Variants in C2CD3 observed in about 807,000 individuals in gnomAD.
The protein encoded by C2CD3 is C2 domain-containing protein 3.
C2CD3 carries 148 observed loss-of-function variants against 234.0 expected under a neutral mutation model. That is an observed-to-expected ratio of 0.63 (90% confidence interval 0.55 to 0.72). The LOEUF (loss-of-function observed/expected upper bound fraction) is 0.72, where lower values mean the gene tolerates loss of function less well. Among genes scored for constraint, C2CD3 ranks in the 30% least tolerant of loss-of-function variants. The pLI is 0.00. For synonymous variants in C2CD3, 1,000 were observed against 1,035.4 expected (o/e 0.97, Z 0.66); for missense variants, 2,577 against 2,811.5 (o/e 0.92, Z 1.89).
chr11:74,023,141 G>A (rs1952155226), intron 32 of C2CD3, among the ~76,000 whole-genome samples: 1 of 152,204 alleles, frequency 6.6e-6, no homozygotes, highest in South Asian at 2.1e-4. Context: ...AGGTTCCTTG[G>A]CTCAGGTATA....
chr11:74,170,079 G>C (rs908313975), intron 1 of C2CD3, among the ~76,000 whole-genome samples: 2 of 152,086 alleles, frequency 1.3e-5, no homozygotes, highest in Middle Eastern at 3.2e-3. Flanking sequence ...TACTCGGTGA[G>C]CTTGTGTCTC....
Position 74,084,958 on chromosome 11 carries a change from A to T in C2CD3, c.3923T>A (p.Ile1308Asn). 2.5e-6 allele frequency: 4 copies of T among 1,606,030 alleles called. No individual in the cohort carries two copies. Among genetic ancestry groups the T allele is most frequent in the South Asian group, 2.2e-5 (2 of 90,382 alleles). Residue 1308 changes from isoleucine (I) to asparagine (N), a missense_variant, in exon 22 of 33, where the codon ATC becomes AAC. Transcript: ENST00000334126. ...ATACTCTTTGCATGACTCAATACTG[A>T]TTATATCACTTGCTGTTAAATCAAG... is the stretch of plus-strand genomic sequence containing the variant. The part of the protein sequence containing the change: ...HENTKSASDI[I>N]SIESCKEYLL...
At chr11:74,103,884 T>C (rs1028910969) in intron 13 of C2CD3, among the ~76,000 whole-genome samples, 1 of 152,162 alleles carries the variant, frequency 6.6e-6, no homozygotes, top group East Asian at 1.9e-4. Context: ...CAGAAAAGAA[T>C]GGAGCCATGT....
chr11:74,150,504 A>AC (rs1855536405), intron 3 of C2CD3, among the ~76,000 whole-genome samples: 1 of 116,362 alleles, frequency 8.6e-6, no homozygotes, highest in South Asian at 2.7e-4. Context: ...AAAAAAAAAA[A>AC]AAAAAAAAAA....
At chr11:74,043,591 C>T (rs826077) in intron 28 of C2CD3, among the ~76,000 whole-genome samples, 6,340 of 151,908 alleles carry the variant, frequency 0.042, 433 homozygotes, top group African/African-American at 0.15. Flanking sequence ...ACTATCCCAC[C>T]GGCAATGTAT....
chr11:74,134,423 A>G (rs1287125631), intron 5 of C2CD3, among the ~76,000 whole-genome samples: 1 of 152,224 alleles, frequency 6.6e-6, no homozygotes, highest in East Asian at 1.9e-4. Flanking sequence ...GCTTAAGTCA[A>G]GAAGACTGCT....
chr11:74,168,487 A>G lies in C2CD3; in HGVS notation c.182T>C (p.Val61Ala), dbSNP rs1481420863. 12 of 1,614,214 alleles carry G rather than the reference A, an allele frequency of 7.4e-6. No homozygotes were observed. Among genetic ancestry groups the G allele is most frequent in the Non-Finnish European group, 1.0e-5 (12 of 1,180,030 alleles). The part of the protein sequence containing the change: ...KIAKPPTCVL[V>A]RVRWWGETSD... ...TGTTTCTCCCCACCATCTCACTCGGACAAGTACACAAGTGGGAGGCTTTGC... is the reference window on the plus strand; with the variant it reads ...TGTTTCTCCCCACCATCTCACTCGGGCAAGTACACAAGTGGGAGGCTTTGC... Residue 61 changes from valine (V) to alanine (A), a missense_variant, in exon 2 of 33, where the codon GTC (valine) becomes GCC (alanine). Coordinates refer to ENST00000334126, the MANE Select transcript of C2CD3 (RefSeq NM_001286577.2).
intron 32 of C2CD3, among the ~76,000 whole-genome samples, chr11:74,021,059 G>C (rs976710349): frequency 2.0e-5 from 3 of 152,198 alleles, no homozygotes; most frequent in Admixed American, 2.0e-4. Flanking sequence ...AGAGCTGCCA[G>C]AATTTCCTGT....
rs1952264463 is a variant in C2CD3, at chr11:74,025,641, C to CA, written c.6921+2645dup. ...ACTCGCTGACAGTTCATCCAAGACT[C>CA]AGAGAGGCCTGAAGGCTTGTCTAAT... is the stretch of plus-strand genomic sequence containing the variant. On this transcript the variant is annotated intron_variant, in intron 32 of 32. Coordinates refer to ENST00000334126, the MANE Select transcript of C2CD3 (RefSeq NM_001286577.2). 2.6e-5 allele frequency among the ~76,000 whole-genome samples: 4 copies of CA among 152,154 alleles called. No individual in the cohort carries two copies. In the South Asian group the frequency reaches 8.3e-4, roughly 32 times the overall value.
chr11:74,153,519 T>C (rs1210863723), intron 3 of C2CD3, among the ~76,000 whole-genome samples: 1 of 152,098 alleles, frequency 6.6e-6, no homozygotes, highest in African/African-American at 2.4e-5. Flanking sequence ...ATGCTAAGTA[T>C]AAAAGATTGT....
intron 20 of C2CD3, among the ~76,000 whole-genome samples, chr11:74,087,379 C>T (rs1468425921): frequency 1.3e-5 from 2 of 152,056 alleles, no homozygotes; most frequent in Non-Finnish European, 2.9e-5. Flanking sequence ...GCCTGCCCAA[C>T]ATGACGAAAC....
At chr11:74,035,095 C>A (rs2135414191) in intron 30 of C2CD3, among the ~76,000 whole-genome samples, 1 of 152,290 alleles carries the variant, frequency 6.6e-6, no homozygotes, top group African/African-American at 2.4e-5. Context: ...AAATTAGGAA[C>A]TGAAGGCAAA....
At chr11:74,124,469 A>G (rs1375933837) in intron 7 of C2CD3, among the ~76,000 whole-genome samples, 1 of 152,108 alleles carries the variant, frequency 6.6e-6, no homozygotes, top group African/African-American at 2.4e-5. Context: ...TGCATTTCAG[A>G]TCCCTGGCCT....
In C2CD3 at chr11:74,133,409, C is replaced by G; in HGVS notation, c.1088+16G>C. Reference sequence around the variant, plus strand: ...AAGAAATGAACTGTTAAGGTTCTGTCTATCCTGTAACTTACTGTGTTGATG... The same window carrying G: ...AAGAAATGAACTGTTAAGGTTCTGTGTATCCTGTAACTTACTGTGTTGATG... On this transcript the variant is annotated intron_variant, in intron 6 of 32. Coordinates refer to ENST00000334126, the MANE Select transcript of C2CD3 (RefSeq NM_001286577.2). 6.2e-7 allele frequency: 1 copy of G among 1,611,388 alleles called. No individual in the cohort carries two copies. The highest frequency in any genetic ancestry group is 1.7e-4 in the Middle Eastern group (1 of 6,034).
At chr11:74,122,921 C>A (rs1957267728) in intron 8 of C2CD3, 67 bp downstream of exon 8, 4 of 664,192 alleles carry the variant, frequency 6.0e-6, no homozygotes, top group Non-Finnish European at 6.4e-6. Context: ...GCTGTCATGC[C>A]TGCAGCTACT....
intron 28 of C2CD3, among the ~76,000 whole-genome samples, chr11:74,046,650 G>C (rs934253087): frequency 6.6e-6 from 1 of 152,046 alleles, no homozygotes; most frequent in African/African-American, 2.4e-5. Flanking sequence ...TTTTCGTCTA[G>C]CTTCTCTTCC....
intron 11 of C2CD3, chr11:74,109,404 C>T (rs955121089): frequency 1.4e-4 from 54 of 391,236 alleles, no homozygotes; most frequent in Non-Finnish European, 1.3e-4. Flanking sequence ...AAATGAATGT[C>T]AATCATATGA....
intron 24 of C2CD3, among the ~76,000 whole-genome samples, chr11:74,071,031 AC>A (rs768767210): frequency 2.6e-4 from 39 of 151,408 alleles, no homozygotes; most frequent in Non-Finnish European, 7.4e-5. Context: ...TACCACATCC[AC>A]CTCCCCACAG....
At chr11:74,132,166 C>G (rs1373616161) in intron 7 of C2CD3, among the ~76,000 whole-genome samples, 3 of 152,116 alleles carry the variant, frequency 2.0e-5, no homozygotes, top group Non-Finnish European at 2.9e-5. Context: ...GCCTGGACAA[C>G]AAGGTGAAAC....
Sources: allele counts gnomAD v4.1 joint callset (sites outside exome capture counted in the v4.1 genomes callset), GRCh38; gene constraint gnomAD v4.1.1; transcripts MANE v1.5; gene names NCBI Gene and HGNC (gene_info 2026-07-23, HGNC 2026-07-21).